TMEM209: variants seen among roughly 807,000 people sequenced by gnomAD.
TMEM209 encodes the protein testicular tissue protein Li 202.
TMEM209 carries 65 observed loss-of-function variants against 76.2 expected under a neutral mutation model. The ratio of observed to expected loss-of-function variants is 0.85; its 90% CI spans 0.70 to 1.05. The LOEUF (loss-of-function observed/expected upper bound fraction) is 1.05, where lower values mean the gene tolerates loss of function less well. Among genes scored for constraint, TMEM209 ranks in the 50% least tolerant of loss-of-function variants. The pLI is 0.00. For missense variants in TMEM209, 623 were observed against 685.5 expected, an observed-to-expected ratio of 0.91 and a Z score of 1.02; for synonymous variants, 239 against 237.6, an observed-to-expected ratio of 1.01 and a Z score of -0.06.
intron 9 of TMEM209, among the ~76,000 whole-genome samples, chr7:130,180,028 A>T (rs1797358777): frequency 3.3e-5 from 5 of 152,228 alleles, no homozygotes; most frequent in Admixed American, 3.3e-4. Flanking sequence ...ACTTCTAAGA[A>T]ATTATCCTAA....
chr7:130,187,267 A>C (rs79517529), intron 6 of TMEM209, among the ~76,000 whole-genome samples: 1 of 145,422 alleles, frequency 6.9e-6, no homozygotes, highest in South Asian at 2.1e-4. Context: ...CCTCGATCTC[A>C]AAAAAAAAAA....
chr7:130,166,504 T>G lies in TMEM209; in HGVS notation c.1633A>C (p.Arg545=). The change falls in exon 15 of 15, where the codon AGA becomes CGA. Residue 545 remains arginine (R), a splice_region_variant and synonymous_variant. Coordinates refer to ENST00000397622, the MANE Select transcript of TMEM209 (RefSeq NM_032842.4). ...IKTKESGMLG[R]VNLGLSGVNI... ...ACACCAGATAGACCAAGATTAACTC[T>G]CCTATAAAGAGAAAAAAAATTTTTA... is the stretch of plus-strand genomic sequence containing the variant. The G allele has an allele frequency of 1.3e-6, 2 of 1,515,698 alleles. No homozygotes were observed. Among genetic ancestry groups the G allele is most frequent in the Admixed American group, 4.6e-5 (2 of 43,036 alleles). 93.9% of individuals were successfully genotyped at this position (1,515,698 alleles called of 1,614,324 possible). A position where few individuals can be genotyped will look rare whatever the true frequency, so the allele number is the denominator to read the frequency against.
rs374216287 is a variant in TMEM209, at chr7:130,188,855, C to T, written c.776-3488G>A. Among the ~76,000 whole-genome samples the T allele has an allele frequency of 4.6e-5, 7 of 152,260 alleles. No homozygotes were observed. In the South Asian group the frequency reaches 1.5e-3, roughly 32 times the overall value. The stretch of plus-strand genomic sequence containing the variant: ...ACACTGAAAAGGACATGCCACCACC[C>T]ATGTTGTATTCTTGCCAGAAAATAA... On this transcript the variant is annotated intron_variant, in intron 6 of 14. Transcript: ENST00000397622.
At chr7:130,196,651 A>C (rs1797984462) in intron 5 of TMEM209, among the ~76,000 whole-genome samples, 1 of 152,182 alleles carries the variant, frequency 6.6e-6, no homozygotes, top group Admixed American at 6.5e-5. Flanking sequence ...GCTCAGTGCC[A>C]TATGAAGAGA....
intron 6 of TMEM209, among the ~76,000 whole-genome samples, chr7:130,191,823 T>A (rs1480652120): frequency 6.6e-6 from 1 of 152,226 alleles, no homozygotes; most frequent in Non-Finnish European, 1.5e-5. Flanking sequence ...TATTAAAGTT[T>A]CAGTAGACTC....
intron 9 of TMEM209, among the ~76,000 whole-genome samples, chr7:130,178,989 T>TATTGCCTAGGCTGGTCTC (rs1461026189): frequency 2.0e-5 from 3 of 152,118 alleles, no homozygotes; most frequent in African/African-American, 7.2e-5. Flanking sequence ...GGTCTCACTA[T>TATTGCCTAGGCTGGTCTC]ATTGCCTAGG....
intron 6 of TMEM209, among the ~76,000 whole-genome samples, chr7:130,191,348 G>A (rs1489120837): frequency 6.6e-6 from 1 of 151,460 alleles, no homozygotes; most frequent in African/African-American, 2.4e-5. Context: ...ACATTTAATG[G>A]AAGACAATCA....
intron 5 of TMEM209, among the ~76,000 whole-genome samples, chr7:130,200,877 C>T (rs1207611912): frequency 6.6e-6 from 1 of 151,910 alleles, no homozygotes; most frequent in African/African-American, 2.4e-5. Context: ...ATCGCAAGGT[C>T]AGGAGATCGA....
intron 6 of TMEM209, among the ~76,000 whole-genome samples, chr7:130,190,027 T>C (rs1169181069): frequency 2.0e-5 from 3 of 152,108 alleles, no homozygotes; most frequent in Admixed American, 2.0e-4. Context: ...CAAAGAATGA[T>C]AGTGTCATGT....
intron 5 of TMEM209, among the ~76,000 whole-genome samples, chr7:130,194,161 C>T (rs555876900): frequency 1.3e-5 from 2 of 150,032 alleles, no homozygotes; most frequent in African/African-American, 2.5e-5. Context: ...ATTGCACCAC[C>T]GCACTCCAGC....
chr7:130,202,696 G>A (rs773059780), intron 3 of TMEM209, 33 bp from the exon 4 acceptor site: 17 of 1,597,716 alleles, frequency 1.1e-5, no homozygotes, highest in Middle Eastern at 1.7e-4. Flanking sequence ...TAATAAGGGG[G>A]GTGAGGAGGG....
rs1222987761 is a variant in TMEM209, at chr7:130,166,466, C to T, written c.1671G>A (p.Trp557Ter). Residue 557 changes from tryptophan (W) to a stop codon, truncating the protein, a stop_gained, in exon 15 of 15, where the codon TGG (tryptophan) becomes TGA (stop). Coordinates refer to ENST00000397622, the MANE Select transcript of TMEM209 (RefSeq NM_032842.4). LOFTEE classifies it high-confidence loss of function. ...ATATGACTTGCTACTCGCCAAAGAT[C>T]CACAATATATTCACACCAGATAGAC... ...NLGLSGVNILWIFGE is the reference protein window; with the variant it reads ...NLGLSGVNIL The T allele has an allele frequency of 1.3e-6, 2 of 1,545,398 alleles. No homozygotes were observed. Among genetic ancestry groups the T allele is most frequent in the Non-Finnish European group, 1.7e-6 (2 of 1,144,840 alleles).
chr7:130,202,446 T>C (rs1251887977), intron 4 of TMEM209, 86 bp downstream of exon 4: 17 of 1,515,238 alleles, frequency 1.1e-5, no homozygotes, highest in Non-Finnish European at 1.4e-5. Context: ...CCTTCCAGCT[T>C]TGAGTCTACG....
At chr7:130,170,557 T>C in intron 13 of TMEM209, 84 bp from the exon 14 acceptor site, 1 of 1,030,980 alleles carries the variant, frequency 9.7e-7, no homozygotes, top group Non-Finnish European at 1.5e-6. Flanking sequence ...TATCAATTCA[T>C]ATCCTACTAA....
chr7:130,199,215 TTA>T (rs1798101266), intron 5 of TMEM209, among the ~76,000 whole-genome samples: 1 of 151,976 alleles, frequency 6.6e-6, no homozygotes, highest in African/African-American at 2.4e-5. Context: ...TGTCACCTTT[TTA>T]ATTTTTTTAT....
chr7:130,201,673 C>T, intron 5 of TMEM209, 177 bp downstream of exon 5: 1 of 782,932 alleles, frequency 1.3e-6, no homozygotes, highest in South Asian at 2.0e-5. Flanking sequence ...AATTTTTTCT[C>T]TTTCATTTTA....
chr7:130,176,053 A>G (rs1797225632), intron 10 of TMEM209, among the ~76,000 whole-genome samples: 2 of 152,134 alleles, frequency 1.3e-5, no homozygotes, highest in Non-Finnish European at 2.9e-5. Context: ...GGAAAGAAAG[A>G]ATCAAATATG....
chr7:130,203,068 G>A (rs1377643144), intron 3 of TMEM209, among the ~76,000 whole-genome samples: 5 of 151,112 alleles, frequency 3.3e-5, no homozygotes, highest in Non-Finnish European at 7.4e-5. Context: ...CAGCCTGGGT[G>A]ACAGAGTGAG....
chr7:130,205,341 C>G (rs1798414382), intron 1 of TMEM209, 32 bp downstream of exon 1: 2 of 1,613,716 alleles, frequency 1.2e-6, no homozygotes, highest in Non-Finnish European at 1.7e-6. Context: ...GATTCCAAGA[C>G]AGGAAGCACA....
Sources: gnomAD v4.1 joint callset for allele counts (sites outside exome capture counted in the v4.1 genomes callset) on GRCh38, gnomAD v4.1.1 for gene constraint, MANE v1.5 for transcripts, NCBI Gene and HGNC (gene_info 2026-07-23, HGNC 2026-07-21) for gene names.